The following LRRC7 variants were observed in gnomAD, a reference collection of about 807,000 sequenced individuals.
LRRC7 encodes the protein leucine rich repeat containing 7, also known as leucine-rich repeat-containing protein 7.
LRRC7 carries 23 observed loss-of-function variants against 175.7 expected under a neutral mutation model. The observed-to-expected ratio is 0.13, with a 90% confidence interval of 0.09 to 0.19. The LOEUF is 0.19. LRRC7 is among the 10% of genes least tolerant of loss of function. The pLI is 1.00. For synonymous variants in LRRC7, 685 were observed against 680.9 expected (o/e 1.01, Z -0.09); for missense variants, 1,354 against 1,904.7 (o/e 0.71, Z 5.38).
intron 8 of LRRC7, among the ~76,000 whole-genome samples, chr1:69,960,118 G>GT (rs1650898899): frequency 6.6e-6 from 1 of 151,878 alleles, no homozygotes; most frequent in Non-Finnish European, 1.5e-5. Context: ...CTGGTCCTGG[G>GT]TTTTGGGGGT....
chr1:69,862,354 G>C (rs941612177), intron 7 of LRRC7, among the ~76,000 whole-genome samples: 1 of 152,050 alleles, frequency 6.6e-6, no homozygotes, highest in Non-Finnish European at 1.5e-5. Context: ...AAAGAATCAG[G>C]CTTCTTTCAA....
At chr1:69,711,341 C>T (rs1000649695) in intron 2 of LRRC7, among the ~76,000 whole-genome samples, 2 of 152,166 alleles carry the variant, frequency 1.3e-5, no homozygotes, top group Admixed American at 1.3e-4. Context: ...GCTCCTAGCA[C>T]ATTGTTGGCA....
chr1:69,604,975 A>T (rs1647295044), intron 1 of LRRC7, among the ~76,000 whole-genome samples: 1 of 152,206 alleles, frequency 6.6e-6, no homozygotes, highest in Non-Finnish European at 1.5e-5. Flanking sequence ...GTGATACCCC[A>T]TTGAACATCA....
At chr1:69,998,726 A>C (rs545790692) in intron 11 of LRRC7, among the ~76,000 whole-genome samples, 1 of 152,348 alleles carries the variant, frequency 6.6e-6, no homozygotes, top group African/African-American at 2.4e-5. Context: ...AAAAAGCATC[A>C]GTAGCCTAAA....
intron 2 of LRRC7, among the ~76,000 whole-genome samples, chr1:69,699,751 G>A (rs1386945015): frequency 6.6e-6 from 1 of 152,162 alleles, no homozygotes; most frequent in South Asian, 2.1e-4. Context: ...CCTCTGTGTG[G>A]CCTACTTCTG....
intron 1 of LRRC7, among the ~76,000 whole-genome samples, chr1:69,598,557 C>A (rs1053362906): frequency 6.6e-6 from 1 of 152,108 alleles, no homozygotes; most frequent in African/African-American, 2.4e-5. Context: ...TTCTATGAAG[C>A]CCTTCACCTA....
intron 7 of LRRC7, among the ~76,000 whole-genome samples, chr1:69,905,671 G>T (rs1486236858): frequency 6.6e-6 from 1 of 152,084 alleles, no homozygotes. Context: ...TGGACATTTG[G>T]GTTGGTTCCA....
intron 5 of LRRC7, among the ~76,000 whole-genome samples, chr1:69,828,016 A>G (rs532942083): frequency 1.1e-3 from 174 of 152,210 alleles, no homozygotes; most frequent in African/African-American, 4.0e-3. Context: ...TTTCAAAATG[A>G]CAAATAAATG....
At chr1:69,943,013 A>C (rs1220345024) in intron 8 of LRRC7, among the ~76,000 whole-genome samples, 1 of 152,102 alleles carries the variant, frequency 6.6e-6, no homozygotes, top group Non-Finnish European at 1.5e-5. Context: ...CATTAGTGTT[A>C]GTATATTTTT....
rs564475252 is a variant in LRRC7 at position 69,922,812 on chromosome 1, T to A, written c.648-8695T>A. Among the ~76,000 whole-genome samples the A allele has an allele frequency of 5.3e-5, 8 of 152,156 alleles. No individual in the cohort carries two copies. In the South Asian group the frequency reaches 1.2e-3, roughly 24 times the overall value. ...TTTTTTTTAATTTTTTTAATTTTTT[T>A]ATTTTATTATTATTATACTTTAAGT... On this transcript the variant is annotated intron_variant, in intron 7 of 26. Coordinates refer to ENST00000651989, the MANE Select transcript of LRRC7 (RefSeq NM_001370785.2).
intron 2 of LRRC7, among the ~76,000 whole-genome samples, chr1:69,731,317 A>C (rs1281865158): frequency 1.3e-5 from 2 of 152,064 alleles, no homozygotes; most frequent in East Asian, 1.9e-4. Context: ...ATGAGACCTC[A>C]TGAGAACTCA....
chr1:69,935,084 A>G (rs1249207054), intron 8 of LRRC7, among the ~76,000 whole-genome samples: 1 of 152,202 alleles, frequency 6.6e-6, no homozygotes, highest in Non-Finnish European at 1.5e-5. Context: ...AGAGTTCGGG[A>G]ATTCAAAGAA....
chr1:70,002,806 AT>A (rs1350568011), intron 11 of LRRC7, among the ~76,000 whole-genome samples: 72 of 152,300 alleles, frequency 4.7e-4, no homozygotes, highest in African/African-American at 1.4e-3. Flanking sequence ...TATTACAGTC[AT>A]TATTTTATTA....
chr1:69,989,017 A>G (rs1036774167), intron 10 of LRRC7, among the ~76,000 whole-genome samples: 1 of 152,246 alleles, frequency 6.6e-6, no homozygotes, highest in South Asian at 2.1e-4. Context: ...TATGAAAACT[A>G]TTTTAAGCAT....
chr1:69,861,547 G>C (rs1684355729), intron 7 of LRRC7, among the ~76,000 whole-genome samples: 1 of 152,130 alleles, frequency 6.6e-6, no homozygotes, highest in African/African-American at 2.4e-5. Flanking sequence ...AGCCTACAGA[G>C]ACATAGGAGC....
chr1:69,951,838 C>T (rs115803295), intron 8 of LRRC7, among the ~76,000 whole-genome samples: 3,216 of 151,930 alleles, frequency 0.021, 98 homozygotes, highest in African/African-American at 0.072. Context: ...TGTTGGGTAC[C>T]AGGCTGAATA....
At chr1:70,085,133 GT>G (rs747379408) in intron 24 of LRRC7, among the ~76,000 whole-genome samples, 2 of 152,012 alleles carry the variant, frequency 1.3e-5, no homozygotes, top group Admixed American at 1.3e-4. Context: ...AAGCACAAAA[GT>G]TTTTAGTTTT....
At chr1:69,690,621 T>A (rs1661739196) in intron 2 of LRRC7, among the ~76,000 whole-genome samples, 1 of 152,182 alleles carries the variant, frequency 6.6e-6, no homozygotes, top group Admixed American at 6.5e-5. Context: ...CCTCCTCTTC[T>A]TGGCAGACAT....
intron 7 of LRRC7, among the ~76,000 whole-genome samples, chr1:69,880,314 G>A (rs562387712): frequency 3.9e-5 from 6 of 152,300 alleles, no homozygotes; most frequent in African/African-American, 1.2e-4. Flanking sequence ...GGGAGCTGGA[G>A]GTGAGAGGAC....
Sources: gnomAD v4.1 joint callset for allele counts (sites outside exome capture counted in the v4.1 genomes callset) on GRCh38, gnomAD v4.1.1 for gene constraint, MANE v1.5 for transcripts, NCBI Gene and HGNC (gene_info 2026-07-23, HGNC 2026-07-21) for gene names.